C12orf42: variants seen among roughly 807,000 people sequenced by gnomAD.
The protein encoded by C12orf42 is uncharacterized protein C12orf42.
C12orf42 carries 25 observed loss-of-function variants against 21.6 expected under a neutral mutation model. The observed-to-expected ratio is 1.16, with a 90% CI of 0.84 to 1.62. The LOEUF is 1.62. Ranked by LOEUF, C12orf42 falls within the 40% of genes most tolerant of loss-of-function variation. C12orf42 has a pLI of 0.00. For missense variants in C12orf42, 483 were observed against 459.3 expected, an observed-to-expected ratio of 1.05 and a Z score of -0.47; for synonymous variants, 174 against 175.0, an observed-to-expected ratio of 0.99 and a Z score of 0.05.
the C12orf42 span, among the ~76,000 whole-genome samples, chr12:103,147,477 T>A: frequency 1.3e-5 from 2 of 149,614 alleles, no homozygotes; most frequent in African/African-American, 4.9e-5. Context: ...TAATTTTTTT[T>A]AATTTTTCTT....
the C12orf42 span, chr12:103,505,533 G>A: frequency 2.6e-6 from 1 of 387,300 alleles, no homozygotes; most frequent in South Asian, 2.1e-5. Context: ...AGTAGTTTCA[G>A]CCACAGGAGA....
the C12orf42 span, among the ~76,000 whole-genome samples, chr12:103,228,757 G>A: frequency 2.5e-3 from 373 of 151,640 alleles, 2 homozygotes; most frequent in African/African-American, 8.0e-3. Context: ...AATTTCTCCT[G>A]TCTCTGTATG....
At chr12:103,252,446 C>G (rs989139196) in intron 10 of C12orf42, among the ~76,000 whole-genome samples, 1 of 152,178 alleles carries the variant, frequency 6.6e-6, no homozygotes, top group Non-Finnish European at 1.5e-5. Flanking sequence ...CACATCCTCC[C>G]CATCATCTGT....
chr12:103,489,890 G>T (rs1003535650), intron 1 of C12orf42, among the ~76,000 whole-genome samples: 1 of 152,154 alleles, frequency 6.6e-6, no homozygotes, highest in Non-Finnish European at 1.5e-5. Context: ...GAAATCCCCT[G>T]ACCCCTTGCA....
intron 4 of C12orf42, among the ~76,000 whole-genome samples, chr12:103,282,880 T>G (rs910370173): frequency 6.6e-6 from 1 of 152,202 alleles, no homozygotes; most frequent in Non-Finnish European, 1.5e-5. Context: ...TTTTCAAGAT[T>G]CATTTATCAA....
At chr12:103,476,005 T>G (rs983138824) in intron 2 of C12orf42, among the ~76,000 whole-genome samples, 2 of 152,160 alleles carry the variant, frequency 1.3e-5, no homozygotes, top group Non-Finnish European at 2.9e-5. Flanking sequence ...AAGTACAAGA[T>G]GTACAGATGA....
intron 4 of C12orf42, among the ~76,000 whole-genome samples, chr12:103,282,691 T>C (rs561195135): frequency 5.9e-5 from 9 of 152,268 alleles, no homozygotes; most frequent in African/African-American, 1.7e-4. Flanking sequence ...ATTTGTACAA[T>C]GGAAAAAAGC....
the C12orf42 span, among the ~76,000 whole-genome samples, chr12:103,199,219 G>T: frequency 2.0e-5 from 3 of 152,088 alleles, no homozygotes; most frequent in Non-Finnish European, 4.4e-5. Context: ...TGAAAGAATA[G>T]TTTCTTTAAT....
the C12orf42 span, among the ~76,000 whole-genome samples, chr12:103,510,781 C>A: frequency 1.3e-3 from 205 of 152,250 alleles, no homozygotes; most frequent in African/African-American, 4.5e-3. Context: ...AATGGGAAAT[C>A]GATGATCTTA....
chr12:103,492,146 T>C (rs1419583694), intron 1 of C12orf42, among the ~76,000 whole-genome samples: 2 of 152,128 alleles, frequency 1.3e-5, no homozygotes, highest in Non-Finnish European at 1.5e-5. Flanking sequence ...TTAGTAGAGA[T>C]GGGGTTTCAC....
chr12:103,365,173 T>C (rs1188590761), intron 4 of C12orf42, among the ~76,000 whole-genome samples: 1 of 151,966 alleles, frequency 6.6e-6, no homozygotes, highest in Non-Finnish European at 1.5e-5. Flanking sequence ...GTTTAAGATA[T>C]GACAGTCAAT....
the C12orf42 span, among the ~76,000 whole-genome samples, chr12:103,555,579 C>T: frequency 6.6e-6 from 1 of 152,144 alleles, no homozygotes; most frequent in African/African-American, 2.4e-5. Context: ...GAGGACCACA[C>T]TTTGAGTAGC....
At chr12:103,517,227 C>T in the C12orf42 span, among the ~76,000 whole-genome samples, 42 of 152,262 alleles carry the variant, frequency 2.8e-4, no homozygotes, top group Non-Finnish European at 5.7e-4. Context: ...ACATCCAAGC[C>T]TGTATACTTG....
At chr12:103,073,798 T>C in the C12orf42 span, among the ~76,000 whole-genome samples, 1 of 152,214 alleles carries the variant, frequency 6.6e-6, no homozygotes, top group African/African-American at 2.4e-5. Flanking sequence ...TTTATGTTAA[T>C]TGAGTCTCAA....
the C12orf42 span, among the ~76,000 whole-genome samples, chr12:103,055,483 A>C: frequency 1.3e-5 from 2 of 151,772 alleles, no homozygotes; most frequent in East Asian, 3.9e-4. Flanking sequence ...TGTCAATTTT[A>C]TTATCTTCCA....
chr12:103,323,718 T>C (rs923318776), intron 4 of C12orf42, among the ~76,000 whole-genome samples: 1 of 152,210 alleles, frequency 6.6e-6, no homozygotes, highest in Non-Finnish European at 1.5e-5. Flanking sequence ...TATATGTTTC[T>C]CTCTTTCTTC....
At chr12:103,195,511 T>C in the C12orf42 span, among the ~76,000 whole-genome samples, 3 of 152,140 alleles carry the variant, frequency 2.0e-5, no homozygotes, top group Admixed American at 6.5e-5. Flanking sequence ...TGCTATCTCA[T>C]TGTGATTTTG....
chr12:103,236,822 A>G (rs2033482787), downstream of C12orf42, among the ~76,000 whole-genome samples: 1 of 152,186 alleles, frequency 6.6e-6, no homozygotes, highest in Non-Finnish European at 1.5e-5. Context: ...TGTGAATTAA[A>G]TCACCATTTC....
At chr12:103,152,753 ATTAT>A in the C12orf42 span, among the ~76,000 whole-genome samples, 1 of 151,730 alleles carries the variant, frequency 6.6e-6, no homozygotes, top group African/African-American at 2.4e-5. Flanking sequence ...ATTTTAAAAT[ATTAT>A]TTATGCTTGC....
Sources: allele counts gnomAD v4.1 joint callset (sites outside exome capture counted in the v4.1 genomes callset), GRCh38; gene constraint gnomAD v4.1.1; transcripts MANE v1.5; gene names NCBI Gene and HGNC (gene_info 2026-07-23, HGNC 2026-07-21).